CATSPERE: variants seen among roughly 807,000 people sequenced by gnomAD.
The protein encoded by CATSPERE is cation channel sperm-associated auxiliary subunit epsilon.
A neutral mutation model predicts 114.1 loss-of-function variants in CATSPERE; 93 were observed. The ratio of observed to expected loss-of-function variants is 0.81; its 90% CI spans 0.69 to 0.97. CATSPERE has a LOEUF of 0.97. CATSPERE is among the 50% of genes least tolerant of loss of function. The probability of loss-of-function intolerance (pLI) is 0.00; values close to 1 mark genes in which losing one functional copy is unlikely to be tolerated. For missense variants in CATSPERE, 1,058 were observed against 1,131.6 expected, an observed-to-expected ratio of 0.93 and a Z score of 0.93; for synonymous variants, 341 against 384.1, an observed-to-expected ratio of 0.89 and a Z score of 1.31.
chr1:244,506,636 C>G (rs986087558), intron 7 of CATSPERE, among the ~76,000 whole-genome samples: 6 of 151,770 alleles, frequency 4.0e-5, no homozygotes, highest in Non-Finnish European at 8.8e-5. Flanking sequence ...TGTTAATAAT[C>G]TTATTAGATT....
intron 7 of CATSPERE, among the ~76,000 whole-genome samples, chr1:244,507,637 A>G (rs914598218): frequency 3.3e-5 from 5 of 151,856 alleles, no homozygotes; most frequent in African/African-American, 1.2e-4. Context: ...TAAGTCTTTA[A>G]TTCATTTTGA....
intron 5 of CATSPERE, among the ~76,000 whole-genome samples, chr1:244,484,497 G>A (rs577524030): frequency 2.0e-5 from 3 of 152,218 alleles, no homozygotes; most frequent in South Asian, 2.1e-4. Flanking sequence ...TCAGATGAGC[G>A]GTCTTATGCA....
rs531701763 is a variant in CATSPERE at position 244,527,114 on chromosome 1, T to C, written c.536+8416T>C. ...ATGTCCAACTGGGCACGCATTGTCA[T>C]TGATAACATCTTATCAGGAGACAGG... On this transcript the variant is annotated intron_variant, in intron 8 of 21. Transcript: ENST00000366534. 5.9e-5 allele frequency among the ~76,000 whole-genome samples: 9 copies of C among 152,328 alleles called. No individual in the cohort carries two copies. In the South Asian group the frequency reaches 1.7e-3, roughly 28 times the overall value.
intron 17 of CATSPERE, among the ~76,000 whole-genome samples, chr1:244,595,275 G>A (rs548651758): frequency 3.9e-5 from 6 of 152,268 alleles, no homozygotes; most frequent in African/African-American, 1.4e-4. Context: ...ATGGAGCAGT[G>A]TGGGTGGATA....
At chr1:244,635,051 G>T (rs1006635172) in intron 20 of CATSPERE, among the ~76,000 whole-genome samples, 2 of 152,164 alleles carry the variant, frequency 1.3e-5, no homozygotes, top group East Asian at 3.8e-4. Flanking sequence ...CACCATGTTG[G>T]CCAGGTCAGT....
chr1:244,556,424 T>C lies in CATSPERE; in HGVS notation c.1029+3610T>C, dbSNP rs888475747. 9.9e-5 allele frequency among the ~76,000 whole-genome samples: 15 copies of C among 152,278 alleles called. No homozygotes were observed. In the East Asian group the frequency reaches 1.7e-3, roughly 18 times the overall value. On this transcript the variant is annotated intron_variant, in intron 9 of 21. Transcript: ENST00000366534. Reference sequence around the variant, plus strand: ...AGTCTAAACACAACAATAATTACATTAAATCTAAATGGTCTAAAACCACTA... The same window carrying C: ...AGTCTAAACACAACAATAATTACATCAAATCTAAATGGTCTAAAACCACTA...
chr1:244,470,953 C>G (rs574237257), intron 2 of CATSPERE, among the ~76,000 whole-genome samples: 1 of 152,250 alleles, frequency 6.6e-6, no homozygotes, highest in South Asian at 2.1e-4. Context: ...CATGAAATGT[C>G]CAGAATAGGC....
chr1:244,559,903 A>G (rs555002745), intron 9 of CATSPERE, among the ~76,000 whole-genome samples: 164 of 152,354 alleles, frequency 1.1e-3, no homozygotes, highest in African/African-American at 3.8e-3. Context: ...TAATATGACC[A>G]ATTTCTATTT....
At chr1:244,614,532 C>T (rs1157636643) in intron 19 of CATSPERE, among the ~76,000 whole-genome samples, 3 of 152,244 alleles carry the variant, frequency 2.0e-5, no homozygotes, top group Non-Finnish European at 4.4e-5. Flanking sequence ...ATCTTCCAAA[C>T]TTTTCCCAGA....
rs566849968 is a variant in CATSPERE, at chr1:244,476,351, AT to A, written c.115-1184del. On this transcript the variant is annotated intron_variant, in intron 2 of 21. Coordinates refer to ENST00000366534, the MANE Select transcript of CATSPERE (RefSeq NM_001130957.2). Reference sequence around the variant, plus strand: ...TATATATCATAAACTTACTAATTATATTTTTTAAGTCTTTGACTACCTTTCC... The same window carrying A: ...TATATATCATAAACTTACTAATTATATTTTTAAGTCTTTGACTACCTTTCC... Among the ~76,000 whole-genome samples, 404 of 150,366 alleles carry A rather than the reference AT, an allele frequency of 2.7e-3. 2 individuals are homozygous for A. The highest frequency in any genetic ancestry group is 3.9e-3 in the Non-Finnish European group (263 of 67,572).
intron 8 of CATSPERE, among the ~76,000 whole-genome samples, chr1:244,539,996 T>C (rs925161374): frequency 5.3e-5 from 8 of 151,952 alleles, no homozygotes; most frequent in African/African-American, 1.7e-4. Flanking sequence ...CTGATTTTAG[T>C]TATTTCTTGC....
chr1:244,584,956 G>T (rs1027858144), intron 13 of CATSPERE, among the ~76,000 whole-genome samples: 7 of 152,174 alleles, frequency 4.6e-5, no homozygotes, highest in Non-Finnish European at 4.4e-5. Flanking sequence ...AACCTAGGAA[G>T]GTCCTGGCCT....
At chr1:244,457,498 A>T (rs887364868), upstream of CATSPERE, 1 of 152,232 alleles carries the variant, frequency 6.6e-6, no homozygotes, top group Non-Finnish European at 1.5e-5. Flanking sequence ...GGCAGGGGAA[A>T]AAAAGGAGGA....
At chr1:244,559,680 G>C (rs1215287616) in intron 9 of CATSPERE, among the ~76,000 whole-genome samples, 1 of 152,066 alleles carries the variant, frequency 6.6e-6, no homozygotes, top group Non-Finnish European at 1.5e-5. Flanking sequence ...AAGGAATCTA[G>C]AATTCCAAAA....
At chr1:244,611,528 G>A (rs1670726573) in intron 19 of CATSPERE, among the ~76,000 whole-genome samples, 1 of 152,096 alleles carries the variant, frequency 6.6e-6, no homozygotes, top group Non-Finnish European at 1.5e-5. Context: ...CCCGACAGCT[G>A]AGGTTGCAGT....
At chr1:244,567,029 A>G (rs148445317) in intron 10 of CATSPERE, among the ~76,000 whole-genome samples, 2,687 of 152,242 alleles carry the variant, frequency 0.018, 88 homozygotes, top group African/African-American at 0.062. Flanking sequence ...GAGCTCTTGT[A>G]AGGCAGGCCT....
Position 244,477,601 on chromosome 1 carries a change from G to T in CATSPERE, c.175G>T (p.Val59Leu). 1 of 1,588,222 alleles carries T rather than the reference G, an allele frequency of 6.3e-7. No individual in the cohort carries two copies. The highest frequency in any genetic ancestry group is 8.6e-7 in the Non-Finnish European group (1 of 1,157,492). The change falls in exon 3 of 22, where the codon GTG becomes TTG. Residue 59 changes from valine to leucine, a missense_variant. Around this residue, in one of 2 missense-constraint regions of CATSPERE, gnomAD observed 271 missense variants for 225.9 expected, o/e 1.20. Transcript: ENST00000366534. ...GTGGAGTGTGCCAGAAACTTGTTTTGTGCTAAATAAAAGGTAAGATTTATG... is the reference window on the plus strand; with the variant it reads ...GTGGAGTGTGCCAGAAACTTGTTTTTTGCTAAATAAAAGGTAAGATTTATG... ...TEWSVPETCF[V>L]LNKSSPTTEL...
chr1:244,593,580 T>A lies in CATSPERE; in HGVS notation c.2303+2T>A, dbSNP rs768495844. 81 of 1,610,288 alleles carry A rather than the reference T, an allele frequency of 5.0e-5. No homozygotes were observed. The highest frequency in any genetic ancestry group is 1.7e-4 in the Middle Eastern group (1 of 6,000). ...AAAGTTTCAACCTGTGGTTCAACTG[T>A]AAGTATATTCTCATCAACATTTTAA... On this transcript the variant is annotated splice_donor_variant, in intron 17 of 21. Transcript: ENST00000366534. LOFTEE classifies it high-confidence loss of function.
intron 6 of CATSPERE, among the ~76,000 whole-genome samples, chr1:244,491,004 G>T (rs1349223641): frequency 1.3e-5 from 2 of 152,024 alleles, no homozygotes; most frequent in African/African-American, 2.4e-5. Flanking sequence ...AAAGTATGAA[G>T]GGGGTCCTAC....
Sources: gnomAD v4.1 joint callset for allele counts (sites outside exome capture counted in the v4.1 genomes callset) on GRCh38, gnomAD v4.1.1 for gene constraint, gnomAD v4.1.1 regional missense constraint, MANE v1.5 for transcripts, NCBI Gene and HGNC (gene_info 2026-07-23, HGNC 2026-07-21) for gene names.